RTEL1: variants seen among roughly 807,000 people sequenced by gnomAD.
RTEL1 encodes regulator of telomere elongation helicase 1, also known as regulator of telomere length.
A neutral mutation model predicts 162.2 loss-of-function variants in RTEL1; 86 were observed. The observed-to-expected ratio is 0.53, with a 90% CI of 0.45 to 0.63. The LOEUF is 0.63. Ranked by LOEUF, RTEL1 falls within the 30% of genes least tolerant of loss-of-function variation. The probability of loss-of-function intolerance (pLI) is 0.00; values close to 1 mark genes in which losing one functional copy is unlikely to be tolerated. For synonymous variants in RTEL1, 958 were observed against 717.9 expected (o/e 1.33, Z -5.35); for missense variants, 1,941 against 1,750.2 (o/e 1.11, Z -1.95).
At chr20:63,685,253 G>A (rs757797436) in intron 14 of RTEL1, among the ~76,000 whole-genome samples, 4 of 152,136 alleles carry the variant, frequency 2.6e-5, no homozygotes, top group Non-Finnish European at 4.4e-5. Context: ...GCCAGTTGGC[G>A]GGAGGAGAGG....
chr20:63,678,397 A>G, intron 12 of RTEL1, 51 bp downstream of exon 12: 2 of 1,545,342 alleles, frequency 1.3e-6, no homozygotes, highest in Non-Finnish European at 1.8e-6. Context: ...CTAGAGCTAG[A>G]AACGGGCCAT....
At chr20:63,659,202 T>TC in intron 1 of RTEL1, 31 bp from the exon 2 acceptor site, 1 of 593,416 alleles carries the variant, frequency 1.7e-6, no homozygotes, top group Non-Finnish European at 3.1e-6. Flanking sequence ...ACAAAGGCTG[T>TC]CTACAAACAG....
Position 63,694,769 on chromosome 20 carries a change from G to A in RTEL1, c.3138G>A (p.Gly1046=), listed in dbSNP as rs762571471. Residue 1046 remains glycine, a synonymous_variant, in exon 32 of 35, where the codon GGG becomes GGA. Transcript: ENST00000360203. ...ACCCTGGCAGCCAACCACAGTGGGG[G>A]TCTGGAGTGCCCAGAGCAGGGAAGC... ...TGDPGSQPQW[G]SGVPRAGKQG... The A allele has an allele frequency of 1.4e-5, 22 of 1,610,498 alleles. 1 individual carries two copies. The highest frequency in any genetic ancestry group is 1.9e-5 in the Non-Finnish European group (22 of 1,179,032).
In RTEL1 at chr20:63,695,640, G is replaced by A. The variant is rs754719045; in HGVS notation, c.3812G>A (p.Arg1271Gln). 8.7e-6 allele frequency: 14 copies of A among 1,611,094 alleles called. No individual in the cohort carries two copies. Among genetic ancestry groups the A allele is most frequent in the African/African-American group, 6.7e-5 (5 of 74,918 alleles). ...DFQRCQACWQ[R>Q]HLQASRMCPA... The stretch of plus-strand genomic sequence containing the variant: ...CAGCGCTGCCAAGCCTGCTGGCAAC[G>A]GCACCTTCAGGTTGGTGCCTGGCCA... Residue 1271 changes from arginine (R) to glutamine (Q), a missense_variant, in exon 34 of 35, where the codon CGG becomes CAG. Coordinates refer to ENST00000360203, the MANE Select transcript of RTEL1 (RefSeq NM_001283009.2).
chr20:63,689,216 T>G (rs1202184295), intron 22 of RTEL1, 84 bp downstream of exon 22: 31 of 1,316,708 alleles, frequency 2.4e-5, no homozygotes, highest in East Asian at 1.2e-4. Context: ...CTCTGGGCCC[T>G]GGGGGCTGCC....
chr20:63,676,685 C>T (rs576388907), intron 10 of RTEL1, among the ~76,000 whole-genome samples: 2 of 152,280 alleles, frequency 1.3e-5, no homozygotes, highest in Non-Finnish European at 2.9e-5. Flanking sequence ...CCTGTCATCC[C>T]AGCACTTTGG....
intron 27 of RTEL1, among the ~76,000 whole-genome samples, chr20:63,691,444 C>T (rs1163498698): frequency 6.6e-6 from 1 of 152,142 alleles, no homozygotes; most frequent in African/African-American, 2.4e-5. Context: ...CTGGAGTGAG[C>T]TCCAGGTGCA....
chr20:63,692,223 A>C (rs2090764660), intron 28 of RTEL1: 1 of 228,030 alleles, frequency 4.4e-6, no homozygotes, highest in East Asian at 1.3e-4. Flanking sequence ...GAAAACCCCA[A>C]GTGTGGCGGC....
intron 31 of RTEL1, 56 bp from the exon 32 acceptor site, chr20:63,694,685 G>A: frequency 6.9e-7 from 1 of 1,445,632 alleles, no homozygotes; most frequent in Non-Finnish European, 9.4e-7. Context: ...GCAGGGCGGT[G>A]GGACTCTCAG....
chr20:63,658,709 G>C (rs539144381), intron 1 of RTEL1: 2 of 152,934 alleles, frequency 1.3e-5, no homozygotes, highest in African/African-American at 4.8e-5. Flanking sequence ...GTCCGCGTCT[G>C]TTCTGTTAGT....
rs760887663 is a variant in RTEL1, at chr20:63,687,669, C to A, written c.1380C>A (p.Pro460=). 2 of 1,609,540 alleles carry A rather than the reference C, an allele frequency of 1.2e-6. No homozygotes were observed. Among genetic ancestry groups the A allele is most frequent in the Non-Finnish European group, 1.7e-6 (2 of 1,179,512 alleles). The change falls in exon 17 of 35, where the codon CCC becomes CCA. Residue 460 remains proline, a synonymous_variant. Transcript: ENST00000360203. ...TGCTGAGCTACTGGTGCTTCAGTCC[C>A]GGCCACAGCATGCACGAGCTGGTCC... The part of the protein sequence containing the change: ...GKVLSYWCFS[P]GHSMHELVRQ...
intron 14 of RTEL1, among the ~76,000 whole-genome samples, chr20:63,684,749 G>A (rs190065988): frequency 1.5e-4 from 22 of 150,566 alleles, no homozygotes; most frequent in African/African-American, 4.1e-4. Flanking sequence ...CTGGGATTAC[G>A]GGTGTGAGCC....
rs367598119 is a variant in RTEL1 at position 63,695,356 on chromosome 20, G to C, written c.3528G>C (p.Lys1176Asn). Residue 1176 changes from lysine (K) to asparagine (N), a missense_variant, in exon 34 of 35, where the codon AAG becomes AAC. Transcript: ENST00000360203. ...PGPSRSEKTGKTQSKISSFLR... is the reference protein window; with the variant it reads ...PGPSRSEKTGNTQSKISSFLR... ...CCTCACGGTCCGAGAAGACCGGGAA[G>C]ACCCAGAGCAAGATCTCGTCCTTCC... 4.1e-5 allele frequency: 64 copies of C among 1,549,648 alleles called. No homozygotes were observed. The highest frequency in any genetic ancestry group is 5.4e-5 in the Non-Finnish European group (62 of 1,148,092).
intron 9 of RTEL1, among the ~76,000 whole-genome samples, chr20:63,673,539 A>G (rs111340639): frequency 0.44 from 67,079 of 151,786 alleles, 15,364 homozygotes; most frequent in Non-Finnish European, 0.49. Context: ...CCTGGGCTCA[A>G]GCCATCCTCC....
rs2090957928 is a variant in RTEL1 at position 63,695,544 on chromosome 20, C to T, written c.3716C>T (p.Ser1239Leu). The T allele has an allele frequency of 5.0e-6, 8 of 1,612,368 alleles. No individual in the cohort carries two copies. Among genetic ancestry groups the T allele is most frequent in the Non-Finnish European group, 6.8e-6 (8 of 1,179,858 alleles). ...QATGAPGGPL[S>L]AGCVCQGCGA... ...ACGGGAGCTCCGGGCGGGCCCCTCT[C>T]AGCAGGCTGTGTGTGCCAGGGCTGT... Residue 1239 changes from serine (S) to leucine (L), a missense_variant, in exon 34 of 35, where the codon TCA becomes TTA. Physicochemically the swap from Ser to Leu is moderately radical, Grantham distance 145. Coordinates refer to ENST00000360203, the MANE Select transcript of RTEL1 (RefSeq NM_001283009.2).
Position 63,680,070 on chromosome 20 carries a change from A to G in RTEL1, c.1135+124A>G, listed in dbSNP as rs2090450418. On this transcript the variant is annotated intron_variant, in intron 13 of 34. Coordinates refer to ENST00000360203, the MANE Select transcript of RTEL1 (RefSeq NM_001283009.2). ...GCCGTCAGCAGGAACAGGCCCACAG[A>G]ACCTCATCTTCTGATCGGGGCGTGG... is the stretch of plus-strand genomic sequence containing the variant. 5 of 661,386 alleles carry G rather than the reference A, an allele frequency of 7.6e-6. No homozygotes were observed. In the East Asian group the frequency reaches 1.4e-4, roughly 18 times the overall value. The allele number at this position is 661,386 out of a possible 1,614,324, so 41.0% of individuals were successfully genotyped here. A position where few individuals can be genotyped will look rare whatever the true frequency, so the allele number is the denominator to read the frequency against.
intron 12 of RTEL1, among the ~76,000 whole-genome samples, chr20:63,679,528 C>G (rs1337060206): frequency 6.6e-6 from 1 of 152,108 alleles, no homozygotes; most frequent in Non-Finnish European, 1.5e-5. Flanking sequence ...TTCTTTTCCT[C>G]GGTGCTGTTC....
chr20:63,685,384 G>T (rs2145410633), intron 14 of RTEL1, 139 bp from the exon 15 acceptor site: 1 of 846,440 alleles, frequency 1.2e-6, no homozygotes, highest in Non-Finnish European at 1.9e-6. Flanking sequence ...CTGTCCATTG[G>T]CCTGGGGCTG....
At chr20:63,689,924 C>T (rs1315888128) in intron 24 of RTEL1, 59 bp downstream of exon 24, 5 of 1,556,916 alleles carry the variant, frequency 3.2e-6, no homozygotes, top group Non-Finnish European at 4.4e-6. Context: ...CCCACTGGGC[C>T]CCTGGACTCT....
Sources: gnomAD v4.1 joint callset for allele counts (sites outside exome capture counted in the v4.1 genomes callset) on GRCh38, gnomAD v4.1.1 for gene constraint, MANE v1.5 for transcripts, NCBI Gene and HGNC (gene_info 2026-07-23, HGNC 2026-07-21) for gene names.